Variants in GAS2 observed in about 807,000 individuals in gnomAD.
The protein encoded by GAS2 is growth arrest specific 2.
Under a neutral mutation model 37.5 loss-of-function variants are expected in GAS2, and 20 were observed. That is an observed-to-expected ratio of 0.53 (90% CI 0.37 to 0.77). The LOEUF is 0.77. Among genes scored for constraint, GAS2 ranks in the 30% least tolerant of loss-of-function variants. The pLI is 0.00. For missense variants in GAS2, 336 were observed against 373.4 expected, an observed-to-expected ratio of 0.90 and a Z score of 0.82; for synonymous variants, 144 against 132.2, an observed-to-expected ratio of 1.09 and a Z score of -0.61.
chr11:22,671,382 C>T (rs570074748), intron 1 of GAS2, among the ~76,000 whole-genome samples: 2 of 152,038 alleles, frequency 1.3e-5, no homozygotes, highest in South Asian at 4.1e-4. Flanking sequence ...GTACTTACTC[C>T]CCTTTTAAAA....
chr11:22,785,730 C>T lies in GAS2; in HGVS notation c.724-26068C>T, dbSNP rs150877641. The stretch of plus-strand genomic sequence containing the variant: ...CAAAGTCCTAGATATATGCTACTTT[C>T]GTTGAAAAGATTGTTTTCTAGTGTC... On this transcript the variant is annotated intron_variant, in intron 7 of 7. Transcript: ENST00000454584. Among the ~76,000 whole-genome samples, 184 of 152,152 alleles carry T rather than the reference C, an allele frequency of 1.2e-3. 1 individual carries two copies. The highest frequency in any genetic ancestry group is 4.1e-3 in the African/African-American group (172 of 41,536).
At chr11:22,641,870 T>C (rs1315629362) in intron 1 of GAS2, among the ~76,000 whole-genome samples, 1 of 152,144 alleles carries the variant, frequency 6.6e-6, no homozygotes, top group Admixed American at 6.6e-5. Context: ...CATATACTGT[T>C]GCAGATCTAT....
chr11:22,735,329 A>C (rs1478895694), intron 4 of GAS2, among the ~76,000 whole-genome samples: 2 of 150,952 alleles, frequency 1.3e-5, no homozygotes, highest in African/African-American at 2.4e-5. Context: ...CTTTAAAAGC[A>C]ATTTTATTGC....
intron 7 of GAS2, among the ~76,000 whole-genome samples, chr11:22,760,803 A>G (rs374845901): frequency 5.2e-4 from 79 of 152,316 alleles, no homozygotes; most frequent in African/African-American, 1.8e-3. Context: ...TCTGATGATC[A>G]TTTTAAAAAT....
chr11:22,724,458 G>A (rs1008316612), intron 3 of GAS2, among the ~76,000 whole-genome samples: 23 of 151,844 alleles, frequency 1.5e-4, no homozygotes, highest in African/African-American at 5.3e-4. Context: ...ATTCTTAGAA[G>A]TGAATTGCTA....
chr11:22,635,603 AG>A (rs1858811207), intron 1 of GAS2, among the ~76,000 whole-genome samples: 1 of 152,198 alleles, frequency 6.6e-6, no homozygotes, highest in Non-Finnish European at 1.5e-5. Context: ...TGGAGTGCCC[AG>A]GTCCTGCACC....
intron 1 of GAS2, among the ~76,000 whole-genome samples, chr11:22,661,460 T>A (rs1488651418): frequency 6.6e-6 from 1 of 152,164 alleles, no homozygotes; most frequent in Non-Finnish European, 1.5e-5. Context: ...GTGAGATAGA[T>A]GCATAAACAA....
Position 22,669,194 on chromosome 11 carries a change from ATT to A in GAS2, c.-21+2298_-21+2299del, listed in dbSNP as rs1303750560. On this transcript the variant is annotated intron_variant, in intron 1 of 7. Coordinates refer to ENST00000454584, the MANE Select transcript of GAS2 (RefSeq NM_001143830.3). ...CTTTATATTAAAACAACAGAAAAGA[ATT>A]TTCTCAACTTAGATAAAATTTTGAT... Among the ~76,000 whole-genome samples the A allele has an allele frequency of 2.6e-5, 4 of 152,324 alleles. No individual in the cohort carries two copies. The East Asian group carries it at 7.7e-4, about 29-fold the overall frequency.
At chr11:22,678,729 T>A (rs560576715) in intron 2 of GAS2, among the ~76,000 whole-genome samples, 8 of 152,016 alleles carry the variant, frequency 5.3e-5, no homozygotes, top group Non-Finnish European at 1.0e-4. Flanking sequence ...ATTAAAAATA[T>A]GGTTCCTTAA....
chr11:22,796,553 C>T (rs1170965824), intron 7 of GAS2, among the ~76,000 whole-genome samples: 1 of 152,088 alleles, frequency 6.6e-6, no homozygotes, highest in East Asian at 1.9e-4. Flanking sequence ...AAATATTTTA[C>T]CAATAGAAAG....
intron 4 of GAS2, among the ~76,000 whole-genome samples, chr11:22,729,318 C>T (rs1359571873): frequency 6.6e-6 from 1 of 151,800 alleles, no homozygotes; most frequent in Non-Finnish European, 1.5e-5. Context: ...GTCAGAGGAT[C>T]TTGATTCACA....
At chr11:22,732,774 A>ATCT (rs1482105682) in intron 4 of GAS2, among the ~76,000 whole-genome samples, 4 of 95,444 alleles carry the variant, frequency 4.2e-5, no homozygotes, top group African/African-American at 1.5e-4. Context: ...TCCATTTATC[A>ATCT]TCATCATCAT....
intron 7 of GAS2, among the ~76,000 whole-genome samples, chr11:22,757,460 A>G (rs1854109768): frequency 6.6e-6 from 1 of 152,152 alleles, no homozygotes. Context: ...TTTAATATCA[A>G]CTAATACATA....
chr11:22,691,182 A>G (rs2133971528), intron 3 of GAS2, among the ~76,000 whole-genome samples: 1 of 152,248 alleles, frequency 6.6e-6, no homozygotes. Flanking sequence ...GAAGGAACTG[A>G]ATATTAACCG....
At chr11:22,658,549 C>T (rs532282397) in intron 1 of GAS2, among the ~76,000 whole-genome samples, 2 of 152,256 alleles carry the variant, frequency 1.3e-5, no homozygotes, top group African/African-American at 2.4e-5. Flanking sequence ...ATTTTTGTAA[C>T]TGCTTATCCA....
At chr11:22,636,695 T>C (rs937042120) in intron 1 of GAS2, among the ~76,000 whole-genome samples, 7 of 152,044 alleles carry the variant, frequency 4.6e-5, no homozygotes, top group African/African-American at 1.7e-4. Flanking sequence ...AAAACTTTTA[T>C]GACTTTCTTA....
chr11:22,755,816 CAAAT>C (rs777327549), intron 6 of GAS2, 26 bp from the exon 7 acceptor site: 3 of 1,529,940 alleles, frequency 2.0e-6, no homozygotes, highest in African/African-American at 1.4e-5. Flanking sequence ...CTAATTAAGA[CAAAT>C]GAATGTGCCT....
At chr11:22,781,954 T>C (rs1855574939) in intron 7 of GAS2, among the ~76,000 whole-genome samples, 1 of 152,156 alleles carries the variant, frequency 6.6e-6, no homozygotes, top group African/African-American at 2.4e-5. Context: ...CAAATTAATA[T>C]AAAAATTGTT....
chr11:22,717,800 C>A (rs337435), intron 3 of GAS2, among the ~76,000 whole-genome samples: 133,810 of 151,864 alleles, frequency 0.88, 61,195 homozygotes, highest in East Asian at 1. Flanking sequence ...TCCCATCAAA[C>A]AGTGGGCAAA....
Sources: gnomAD v4.1 joint callset for allele counts (sites outside exome capture counted in the v4.1 genomes callset) on GRCh38, gnomAD v4.1.1 for gene constraint, MANE v1.5 for transcripts, NCBI Gene and HGNC (gene_info 2026-07-23, HGNC 2026-07-21) for gene names.